CSMD1: variants seen among roughly 807,000 people sequenced by gnomAD.
CSMD1 encodes the protein CUB and Sushi multiple domains 1, also known as CUB and sushi domain-containing protein 1.
In CSMD1, 213 loss-of-function variants were observed where a neutral mutation model predicts 417.5. The observed-to-expected ratio is 0.51, with a 90% CI of 0.46 to 0.57. The LOEUF is 0.57. Ranked by LOEUF, CSMD1 falls within the 20% of genes least tolerant of loss-of-function variation. The pLI is 0.00. For synonymous variants in CSMD1, 2,862 were observed against 1,736.8 expected (o/e 1.65, Z -16.11); for missense variants, 6,923 against 4,529.7 (o/e 1.53, Z -15.17).
At chr8:3,599,770 C>T (rs1801273589) in intron 8 of CSMD1, among the ~76,000 whole-genome samples, 1 of 152,196 alleles carries the variant, frequency 6.6e-6, no homozygotes, top group African/African-American at 2.4e-5. Flanking sequence ...GTGGTCCTTC[C>T]CGCTTGGCAT....
intron 5 of CSMD1, among the ~76,000 whole-genome samples, chr8:3,930,542 T>C (rs2954608): frequency 0.22 from 32,663 of 149,950 alleles, 5,455 homozygotes; most frequent in Admixed American, 0.32. Context: ...AAGTTCTAAG[T>C]TGCTAGCCAA....
intron 1 of CSMD1, among the ~76,000 whole-genome samples, chr8:4,668,991 T>C (rs1805124747): frequency 6.6e-6 from 1 of 152,198 alleles, no homozygotes; most frequent in South Asian, 2.1e-4. Flanking sequence ...TTCTTAGGTG[T>C]CTAATCTTCC....
intron 5 of CSMD1, among the ~76,000 whole-genome samples, chr8:3,761,858 T>C (rs1798022961): frequency 6.6e-6 from 1 of 152,050 alleles, no homozygotes; most frequent in Non-Finnish European, 1.5e-5. Context: ...GCACTCATGA[T>C]TGTCTCTGGC....
chr8:3,687,130 A>T (rs1342699869), intron 7 of CSMD1, among the ~76,000 whole-genome samples: 1 of 152,236 alleles, frequency 6.6e-6, no homozygotes, highest in East Asian at 1.9e-4. Context: ...TTAAAACCAG[A>T]AATACAAGCA....
intron 5 of CSMD1, among the ~76,000 whole-genome samples, chr8:3,910,372 C>T (rs1292921955): frequency 6.6e-6 from 1 of 152,122 alleles, no homozygotes; most frequent in East Asian, 1.9e-4. Flanking sequence ...CCACAGAATG[C>T]ACCAGGAAGA....
chr8:4,142,911 T>C, intron 3 of CSMD1, among the ~76,000 whole-genome samples: 1 of 151,040 alleles, frequency 6.6e-6, no homozygotes, highest in East Asian at 1.9e-4. Context: ...GAGAAATTAT[T>C]TTTAGGTCAT....
intron 26 of CSMD1, among the ~76,000 whole-genome samples, chr8:3,270,952 A>G (rs1254150892): frequency 6.6e-6 from 1 of 151,186 alleles, no homozygotes; most frequent in South Asian, 2.1e-4. Context: ...TTATACTGTA[A>G]GTTTTAGGGT....
chr8:3,567,335 G>C (rs1381226024), intron 10 of CSMD1, among the ~76,000 whole-genome samples: 1 of 151,796 alleles, frequency 6.6e-6, no homozygotes, highest in Non-Finnish European at 1.5e-5. Context: ...CTTAATACCT[G>C]GGTGATGAAT....
chr8:3,488,567 G>A (rs1362380835), intron 11 of CSMD1, among the ~76,000 whole-genome samples: 1 of 152,174 alleles, frequency 6.6e-6, no homozygotes, highest in Non-Finnish European at 1.5e-5. Flanking sequence ...CTAATTATAT[G>A]AAATGTATAT....
At chr8:2,982,659 G>A (rs1276842342) in intron 54 of CSMD1, among the ~76,000 whole-genome samples, 1 of 152,176 alleles carries the variant, frequency 6.6e-6, no homozygotes, top group Non-Finnish European at 1.5e-5. Context: ...TCCACCTCCA[G>A]GAGCTGCCCT....
chr8:4,611,370 A>C (rs1010356567), intron 2 of CSMD1, among the ~76,000 whole-genome samples: 2 of 152,182 alleles, frequency 1.3e-5, no homozygotes, highest in South Asian at 4.1e-4. Flanking sequence ...GCTGGGTCTA[A>C]CTCAGCTCCC....
chr8:4,404,184 C>A (rs1177163206), intron 3 of CSMD1, among the ~76,000 whole-genome samples: 3 of 152,142 alleles, frequency 2.0e-5, no homozygotes, highest in African/African-American at 4.8e-5. Context: ...TATTGAAACT[C>A]AACCTATAGC....
intron 1 of CSMD1, among the ~76,000 whole-genome samples, chr8:4,898,975 G>C (rs948306976): frequency 6.6e-6 from 1 of 151,942 alleles, no homozygotes; most frequent in Non-Finnish European, 1.5e-5. Context: ...TTAATATTAC[G>C]GTAATGATAT....
chr8:4,393,992 A>T (rs778663333), intron 3 of CSMD1, among the ~76,000 whole-genome samples: 4 of 152,232 alleles, frequency 2.6e-5, no homozygotes, highest in African/African-American at 9.6e-5. Context: ...GCTACGTAAT[A>T]GAGCAACACA....
intron 2 of CSMD1, among the ~76,000 whole-genome samples, chr8:4,428,941 T>A (rs903317793): frequency 2.0e-5 from 3 of 152,088 alleles, no homozygotes; most frequent in Non-Finnish European, 4.4e-5. Context: ...CTCAGATTCC[T>A]GACTTGAAGT....
intron 1 of CSMD1, among the ~76,000 whole-genome samples, chr8:4,953,921 A>C (rs989394222): frequency 6.6e-6 from 1 of 152,072 alleles, no homozygotes; most frequent in Admixed American, 6.6e-5. Context: ...AAGGGTTTTG[A>C]TGTTTAAAAA....
Position 3,142,573 on chromosome 8 carries a change from T to C in CSMD1, c.6133A>G (p.Ser2045Gly). ...AGGGCCGCGGGGAGATCCGTGCCGC[T>C]AAATTGTCCAATCATGGGGCTGGTG... The part of the protein sequence containing the change: ...YHTSPMIGQF[S>G]GTDLPAALLS... The change falls in exon 41 of 70, where the codon AGC becomes GGC. Residue 2045 changes from serine to glycine, a missense_variant. Transcript: ENST00000635120. 3.1e-6 allele frequency: 5 copies of C among 1,614,012 alleles called. No individual in the cohort carries two copies. The highest frequency in any genetic ancestry group is 4.2e-6 in the Non-Finnish European group (5 of 1,179,880).
intron 12 of CSMD1, among the ~76,000 whole-genome samples, chr8:3,427,893 A>ATGAGCT (rs1813957533): frequency 6.6e-6 from 1 of 152,220 alleles, no homozygotes; most frequent in Admixed American, 6.5e-5. Flanking sequence ...GCATCAGTTT[A>ATGAGCT]TGAGCTCAAC....
intron 51 of CSMD1, among the ~76,000 whole-genome samples, chr8:3,027,371 C>G (rs1810010942): frequency 6.6e-6 from 1 of 152,074 alleles, no homozygotes; most frequent in Admixed American, 6.5e-5. Flanking sequence ...TTCCAGATAA[C>G]CATACAACAT....
Sources: allele counts gnomAD v4.1 joint callset (sites outside exome capture counted in the v4.1 genomes callset), GRCh38; gene constraint gnomAD v4.1.1; transcripts MANE v1.5; gene names NCBI Gene and HGNC (gene_info 2026-07-23, HGNC 2026-07-21).